CFAP44: variants seen among roughly 807,000 people sequenced by gnomAD.
The protein encoded by CFAP44 is cilia- and flagella-associated protein 44.
In CFAP44, 134 loss-of-function variants were observed where a neutral mutation model predicts 216.2. The ratio of observed to expected loss-of-function variants is 0.62; its 90% CI spans 0.54 to 0.72. The LOEUF is 0.72. Ranked by LOEUF, CFAP44 falls within the 30% of genes least tolerant of loss-of-function variation. The pLI, the probability that CFAP44 is intolerant of heterozygous loss-of-function variation, is 0.00. For synonymous variants in CFAP44, 700 were observed against 727.6 expected (o/e 0.96, Z 0.61); for missense variants, 2,035 against 2,182.1 (o/e 0.93, Z 1.34).
At chr3:113,395,727 G>A in intron 15 of CFAP44, 23 bp downstream of exon 15, 1 of 1,563,584 alleles carries the variant, frequency 6.4e-7, no homozygotes, top group Non-Finnish European at 8.7e-7. Context: ...ATTCAAACAG[G>A]AAGACAAATA....
At chr3:113,349,372 G>A (rs1950419652) in intron 22 of CFAP44, among the ~76,000 whole-genome samples, 1 of 152,114 alleles carries the variant, frequency 6.6e-6, no homozygotes, top group African/African-American at 2.4e-5. Context: ...ATTAAACCTG[G>A]CAACCTCAGT....
chr3:113,351,942 G>T (rs1950449084), intron 22 of CFAP44, among the ~76,000 whole-genome samples: 1 of 152,146 alleles, frequency 6.6e-6, no homozygotes, highest in African/African-American at 2.4e-5. Flanking sequence ...GGCTGACCTA[G>T]AGAGTTACCC....
chr3:113,420,092 C>G lies in CFAP44; in HGVS notation c.495G>C (p.Leu165=), dbSNP rs750645978. The G allele has an allele frequency of 6.2e-7, 1 of 1,613,960 alleles. No individual in the cohort carries two copies. The highest frequency in any genetic ancestry group is 8.5e-7 in the Non-Finnish European group (1 of 1,179,930). The change falls in exon 5 of 35, where the codon CTG becomes CTC. Residue 165 remains leucine (L), a synonymous_variant. Coordinates refer to ENST00000393845, the MANE Select transcript of CFAP44 (RefSeq NM_001164496.2). The stretch of plus-strand genomic sequence containing the variant: ...CCTTGGTTTTCAAATTCAGAAAGAT[C>G]AGTTGGTTCCCAGCTATGTATATGG... ...SIAIYIAGNQ[L]IFLNLKTKEQ...
At chr3:113,342,033 A>C (rs867138220) in intron 23 of CFAP44, 115 bp from the exon 24 acceptor site, 5 of 1,262,180 alleles carry the variant, frequency 4.0e-6, no homozygotes, top group Middle Eastern at 2.7e-4. Flanking sequence ...GAATTTGTAA[A>C]TCAAAGTATT....
intron 12 of CFAP44, 146 bp downstream of exon 12, chr3:113,400,399 C>T: frequency 1.7e-6 from 1 of 575,732 alleles, no homozygotes; most frequent in Non-Finnish European, 2.8e-6. Flanking sequence ...GTGGCCTCTC[C>T]TCTCCACAGC....
intron 23 of CFAP44, among the ~76,000 whole-genome samples, chr3:113,342,901 T>C (rs181040940): frequency 6.6e-6 from 1 of 151,800 alleles, no homozygotes; most frequent in Admixed American, 6.6e-5. Context: ...CCAGAATTGC[T>C]TGAACCTGAG....
chr3:113,321,291 C>T (rs537346757), intron 28 of CFAP44, among the ~76,000 whole-genome samples: 42 of 152,180 alleles, frequency 2.8e-4, no homozygotes, highest in Admixed American at 8.5e-4. Context: ...TCGTAATAGA[C>T]GCAGAAAAAG....
At chr3:113,381,470 A>G (rs1704842875) in intron 15 of CFAP44, among the ~76,000 whole-genome samples, 1 of 152,184 alleles carries the variant, frequency 6.6e-6, no homozygotes. Flanking sequence ...GTCCCATCCT[A>G]CTTTAATGGC....
At chr3:113,391,937 T>C (rs992609078) in intron 15 of CFAP44, among the ~76,000 whole-genome samples, 1 of 152,172 alleles carries the variant, frequency 6.6e-6, no homozygotes, top group Non-Finnish European at 1.5e-5. Flanking sequence ...AATTATACTG[T>C]TGGTAGGAAT....
intron 28 of CFAP44, among the ~76,000 whole-genome samples, chr3:113,321,435 G>A (rs1162850008): frequency 6.6e-6 from 1 of 152,156 alleles, no homozygotes; most frequent in Non-Finnish European, 1.5e-5. Flanking sequence ...GGCAAAAGCT[G>A]GAACCATTCT....
chr3:113,419,930 G>T, intron 5 of CFAP44, 87 bp downstream of exon 5: 2 of 1,367,644 alleles, frequency 1.5e-6, no homozygotes, highest in Non-Finnish European at 2.0e-6. Flanking sequence ...CATGGTGTTG[G>T]CATCTAACAA....
chr3:113,379,253 T>A, intron 17 of CFAP44, 53 bp downstream of exon 17: 2 of 1,312,670 alleles, frequency 1.5e-6, no homozygotes, highest in Non-Finnish European at 2.0e-6. Flanking sequence ...TTACAATAAC[T>A]ATAAACTATA....
chr3:113,329,806 T>C (rs764656749), intron 26 of CFAP44, among the ~76,000 whole-genome samples: 1 of 152,202 alleles, frequency 6.6e-6, no homozygotes, highest in Non-Finnish European at 1.5e-5. Flanking sequence ...GGAAAATTCT[T>C]AGCTATGTTC....
chr3:113,291,138 T>C lies in CFAP44; in HGVS notation c.*419A>G, dbSNP rs1193157270. 1 of 165,320 alleles carries C rather than the reference T, an allele frequency of 6.0e-6. No individual in the cohort carries two copies. Among genetic ancestry groups the C allele is most frequent in the East Asian group, 1.6e-4 (1 of 6,240 alleles). 10.2% of individuals were successfully genotyped at this position (165,320 alleles called of 1,614,324 possible). A position where few individuals can be genotyped will look rare whatever the true frequency, so the allele number is the denominator to read the frequency against. On this transcript the variant is annotated 3_prime_UTR_variant, in exon 35 of 35. Transcript: ENST00000393845. ...CTCTCAGAGAACACTTAATAACATC[T>C]AAGTTTATTTTCTAAGGATCAAGAA...
chr3:113,328,725 A>AAAAC (rs1402784840), intron 26 of CFAP44, among the ~76,000 whole-genome samples: 1 of 142,578 alleles, frequency 7.0e-6, no homozygotes, highest in Admixed American at 7.0e-5. Context: ...AAAAAAAAAA[A>AAAAC]AAACAGAGAG....
At chr3:113,406,724 A>G (rs915911395) in intron 8 of CFAP44, among the ~76,000 whole-genome samples, 1 of 152,178 alleles carries the variant, frequency 6.6e-6, no homozygotes, top group African/African-American at 2.4e-5. Flanking sequence ...GAAAATAGAA[A>G]ATGGTAGGTA....
chr3:113,394,601 C>T (rs1933938930), intron 15 of CFAP44, among the ~76,000 whole-genome samples: 1 of 152,150 alleles, frequency 6.6e-6, no homozygotes, highest in Non-Finnish European at 1.5e-5. Context: ...GCTCTAAATT[C>T]ACAACACACA....
chr3:113,345,306 T>G (rs1950370803), intron 22 of CFAP44, among the ~76,000 whole-genome samples: 1 of 151,880 alleles, frequency 6.6e-6, no homozygotes, highest in Non-Finnish European at 1.5e-5. Flanking sequence ...TAACTCTCAT[T>G]CCCCAGAGAC....
At chr3:113,326,718 AAGG>A in intron 27 of CFAP44, 78 bp from the exon 28 acceptor site, 2 of 780,376 alleles carry the variant, frequency 2.6e-6, no homozygotes, top group African/African-American at 1.8e-5. Flanking sequence ...TTTACAATAC[AAGG>A]TTACAGTTTA....
Sources: allele counts gnomAD v4.1 joint callset (sites outside exome capture counted in the v4.1 genomes callset), GRCh38; gene constraint gnomAD v4.1.1; transcripts MANE v1.5; gene names NCBI Gene and HGNC (gene_info 2026-07-23, HGNC 2026-07-21).